Variants in HTR2C observed in about 807,000 individuals in gnomAD.
HTR2C encodes 5-hydroxytryptamine receptor 2C.
A neutral mutation model predicts 21.0 loss-of-function variants in HTR2C; 5 were observed. That is an observed-to-expected ratio of 0.24 (90% CI 0.12 to 0.50). HTR2C has a LOEUF of 0.50. HTR2C is among the 20% of genes least tolerant of loss of function. The pLI, the probability that HTR2C is intolerant of heterozygous loss-of-function variation, is 0.98. For synonymous variants in HTR2C, 150 were observed against 145.3 expected (o/e 1.03, Z -0.23); for missense variants, 271 against 371.2 (o/e 0.73, Z 2.22).
intron 2 of HTR2C, among the ~76,000 whole-genome samples, chrX:114,724,798 A>T (rs1933383179): frequency 9.8e-6 from 1 of 101,805 alleles, no homozygotes; most frequent in African/African-American, 3.5e-5. Context: ...TGGATATGAA[A>T]TTCTGGGTTG....
chrX:114,871,149 T>A (rs1197994864), intron 5 of HTR2C, among the ~76,000 whole-genome samples: 1 of 111,579 alleles, frequency 9.0e-6, no homozygotes, highest in Non-Finnish European at 1.9e-5. Flanking sequence ...TTTCAAGAAA[T>A]TTTTCAATTT....
chrX:114,852,529 C>T (rs1311114444), intron 5 of HTR2C, among the ~76,000 whole-genome samples: 2 of 110,973 alleles, frequency 1.8e-5, no homozygotes, highest in Non-Finnish European at 3.8e-5. Context: ...TGTTCTTTTA[C>T]TTGGAAATAT....
chrX:114,835,853 T>G (rs2070776867), intron 4 of HTR2C, among the ~76,000 whole-genome samples: 1 of 110,157 alleles, frequency 9.1e-6, no homozygotes, highest in African/African-American at 3.3e-5. Context: ...ACTTTTGGTC[T>G]TTGATGATGG....
intron 2 of HTR2C, among the ~76,000 whole-genome samples, chrX:114,701,558 C>G (rs1932502642): frequency 1.8e-5 from 2 of 111,241 alleles, no homozygotes; most frequent in South Asian, 7.6e-4. Context: ...AAAAACCCAT[C>G]TGTACATCAC....
chrX:114,858,368 A>G (rs1377030115), intron 5 of HTR2C, among the ~76,000 whole-genome samples: 1 of 111,287 alleles, frequency 9.0e-6, no homozygotes, highest in Non-Finnish European at 1.9e-5. Context: ...TCTACTATTT[A>G]TTTAGGCCTT....
chrX:114,805,898 T>C (rs1390192431), intron 4 of HTR2C, among the ~76,000 whole-genome samples: 1 of 97,410 alleles, frequency 1.0e-5, no homozygotes, highest in African/African-American at 3.7e-5. Context: ...ACCATATATA[T>C]ACATCATATA....
At chrX:114,641,332 G>A (rs1340552172) in intron 2 of HTR2C, among the ~76,000 whole-genome samples, 1 of 111,399 alleles carries the variant, frequency 9.0e-6, no homozygotes, top group Non-Finnish European at 1.9e-5. Context: ...CTTTTGCATA[G>A]TCCTTATATT....
intron 4 of HTR2C, among the ~76,000 whole-genome samples, chrX:114,806,913 G>A (rs1241135726): frequency 2.3e-5 from 2 of 85,263 alleles, no homozygotes; most frequent in Non-Finnish European, 4.5e-5. Context: ...CACACCATAT[G>A]TATATACCAT....
chrX:114,877,125 C>G (rs1434575128), intron 5 of HTR2C, among the ~76,000 whole-genome samples: 1 of 110,766 alleles, frequency 9.0e-6, no homozygotes, highest in African/African-American at 3.3e-5. Context: ...TCTCCTAACT[C>G]ATTATTGGTA....
chrX:114,805,449 T>G (rs781909836), intron 4 of HTR2C, among the ~76,000 whole-genome samples: 75 of 103,177 alleles, frequency 7.3e-4, no homozygotes, highest in African/African-American at 2.4e-3. Context: ...ATTTTAATTG[T>G]GAAGCAAGAT....
intron 3 of HTR2C, among the ~76,000 whole-genome samples, 189 bp downstream of exon 3, chrX:114,727,160 G>A (rs113848091): frequency 1.2e-3 from 134 of 111,769 alleles, no homozygotes; most frequent in African/African-American, 4.1e-3. Flanking sequence ...AAAAAATTTG[G>A]ACTCTAATTA....
At chrX:114,789,608 T>TA (rs1326044496) in intron 4 of HTR2C, among the ~76,000 whole-genome samples, 48 of 109,034 alleles carry the variant, frequency 4.4e-4, no homozygotes, top group Middle Eastern at 4.8e-3. Flanking sequence ...CTCTGAAAAT[T>TA]AAAAAAAAAG....
chrX:114,584,916 C>A (rs1478665615), intron 1 of HTR2C, among the ~76,000 whole-genome samples: 13 of 95,045 alleles, frequency 1.4e-4, no homozygotes, highest in African/African-American at 5.1e-4. Context: ...GAGATGAAGA[C>A]GCTGGGCGGA....
intron 5 of HTR2C, among the ~76,000 whole-genome samples, chrX:114,881,694 C>G (rs1421612632): frequency 9.1e-6 from 1 of 110,443 alleles, no homozygotes; most frequent in Non-Finnish European, 1.9e-5. Flanking sequence ...TTCCATTTAT[C>G]TATATGTCTA....
At chrX:114,780,991 C>G (rs1312818423) in intron 4 of HTR2C, among the ~76,000 whole-genome samples, 1 of 111,563 alleles carries the variant, frequency 9.0e-6, no homozygotes, top group Non-Finnish European at 1.9e-5. Flanking sequence ...ACAACAACAT[C>G]TGTTGTTCTG....
chrX:114,645,654 A>AG (rs1322188612), intron 2 of HTR2C, among the ~76,000 whole-genome samples: 3 of 111,978 alleles, frequency 2.7e-5, no homozygotes, highest in Non-Finnish European at 5.6e-5. Flanking sequence ...AATTGAAAGT[A>AG]GGTACATGCA....
chrX:114,633,234 A>T (rs1929700550), intron 2 of HTR2C, among the ~76,000 whole-genome samples: 1 of 111,254 alleles, frequency 9.0e-6, no homozygotes, highest in South Asian at 3.7e-4. Flanking sequence ...TTTTATTTGG[A>T]AATTTGAGGA....
At position 114,661,409 on chromosome X, in the gene HTR2C, A is replaced by AT. The variant is rs1930984080; in HGVS notation, c.-80+47528_-80+47529insT. Among the ~76,000 whole-genome samples the AT allele has an allele frequency of 1.0e-3, 55 of 52,888 alleles. No homozygotes were observed. The Admixed American group carries it at 0.011, about 11-fold the overall frequency. The allele number at this position is 52,888 out of a possible 115,157, so 45.9% of individuals were successfully genotyped here. On this transcript the variant is annotated intron_variant, in intron 2 of 5. Transcript: ENST00000276198. ...TGAACACTATGAATGAATTTGTAAA[A>AT]AAAAAAACTATAATATCCAATAAAC...
rs1556486786 is a variant in HTR2C, at chrX:114,906,634, A to C, written c.596A>C (p.Lys199Thr). 6 of 1,207,715 alleles carry C rather than the reference A, an allele frequency of 5.0e-6. No individual in the cohort carries two copies. The highest frequency in any genetic ancestry group is 5.6e-6 in the Non-Finnish European group (5 of 893,959). Residue 199 changes from lysine (K) to threonine (T), a missense_variant, in exon 6 of 6, where the codon AAG (lysine) becomes ACG (threonine). By Grantham distance (78) the Lys-to-Thr change is moderately conservative. Transcript: ENST00000276198. ...GTGATTGGACTGAGGGACGAAGAAA[A>C]GGTGTTCGTGAACAACACGACGTGC... ...IPVIGLRDEE[K>T]VFVNNTTCVL...
Sources: gnomAD v4.1 joint callset for allele counts (sites outside exome capture counted in the v4.1 genomes callset) on GRCh38, gnomAD v4.1.1 for gene constraint, MANE v1.5 for transcripts, NCBI Gene and HGNC (gene_info 2026-07-23, HGNC 2026-07-21) for gene names.